Variants in FCGR2A observed in about 807,000 individuals in gnomAD.
The protein encoded by FCGR2A is Fc gamma receptor IIa.
A neutral mutation model predicts 29.3 loss-of-function variants in FCGR2A; 18 were observed. The observed-to-expected ratio is 0.62, with a 90% confidence interval of 0.43 to 0.91. The LOEUF (loss-of-function observed/expected upper bound fraction) is 0.91, where lower values mean the gene tolerates loss of function less well. Among genes scored for constraint, FCGR2A ranks in the 40% least tolerant of loss-of-function variants. The pLI is 0.00. For missense variants in FCGR2A, 287 were observed against 393.0 expected, an observed-to-expected ratio of 0.73 and a Z score of 2.28; for synonymous variants, 126 against 144.8, an observed-to-expected ratio of 0.87 and a Z score of 0.93.
chr1:161,518,147 A>G lies in FCGR2A; in HGVS notation c.953A>G (p.Ter318=). 1 of 1,613,534 alleles carries G rather than the reference A, an allele frequency of 6.2e-7. No individual in the cohort carries two copies. The highest frequency in any genetic ancestry group is 8.5e-7 in the Non-Finnish European group (1 of 1,179,746). Residue 318 remains the stop codon, a stop_retained_variant, in exon 7 of 7, where the codon TAA becomes TGA. Transcript: ENST00000271450. ...AACGACCATGTCAACAGTAATAACT[A>G]AAGAGTAACGTTATGCCATGTGGTC... ...PPNDHVNSNN[*]
intron 3 of FCGR2A, among the ~76,000 whole-genome samples, chr1:161,508,176 T>C (rs542893154): frequency 2.0e-5 from 3 of 149,752 alleles, no homozygotes; most frequent in Admixed American, 6.6e-5. Context: ...TACAAAGAAA[T>C]GCAACTGATT....
chr1:161,509,780 T>G, intron 3 of FCGR2A, 40 bp from the exon 4 acceptor site: 1 of 1,612,352 alleles, frequency 6.2e-7, no homozygotes, highest in Non-Finnish European at 8.5e-7. Context: ...CCTTGGAATC[T>G]ATCCTTACAA....
At chr1:161,514,648 CTGAGTT>C (rs1418239745) in intron 6 of FCGR2A, 1 of 152,540 alleles carries the variant, frequency 6.6e-6, no homozygotes, top group Non-Finnish European at 1.5e-5. Context: ...CCTGAGCTCT[CTGAGTT>C]TATTTGAGTA....
intron 4 of FCGR2A, 60 bp from the exon 5 acceptor site, chr1:161,510,774 T>C (rs1557832274): frequency 6.2e-7 from 1 of 1,602,466 alleles, no homozygotes; most frequent in Non-Finnish European, 8.5e-7. Context: ...ACAGGGAGAA[T>C]ACAAACGTTG....
At chr1:161,510,704 A>G in intron 4 of FCGR2A, 130 bp from the exon 5 acceptor site, 1 of 1,228,620 alleles carries the variant, frequency 8.1e-7, no homozygotes, top group Non-Finnish European at 1.1e-6. Flanking sequence ...TGAGTGACTC[A>G]GACACAGAAG....
At chr1:161,509,704 C>T in intron 3 of FCGR2A, 116 bp from the exon 4 acceptor site, 1 of 1,358,714 alleles carries the variant, frequency 7.4e-7, no homozygotes, top group Non-Finnish European at 1.0e-6. Flanking sequence ...CATGAAGCAT[C>T]TTCATTTCTG....
At position 161,507,402 on chromosome 1, in the gene FCGR2A, C is replaced by T. The variant is rs919856017; in HGVS notation, c.364+811C>T. On this transcript the variant is annotated intron_variant, in intron 3 of 6. Transcript: ENST00000271450. ...GCTCTCAAAGTATTGGGATTATAGG[C>T]GTGAGCCACCACGCCTGGCTTAGAT... 3.9e-5 allele frequency among the ~76,000 whole-genome samples: 6 copies of T among 152,266 alleles called. 1 individual carries two copies. In the Middle Eastern group the frequency reaches 0.014, roughly 345 times the overall value.
intron 6 of FCGR2A, among the ~76,000 whole-genome samples, chr1:161,517,743 T>G (rs1457023431): frequency 6.6e-6 from 1 of 152,112 alleles, no homozygotes; most frequent in Non-Finnish European, 1.5e-5. Context: ...AGGAGCTTAG[T>G]GCAAAACAAT....
chr1:161,513,237 G>A (rs1675927175), intron 5 of FCGR2A: 2 of 150,592 alleles, frequency 1.3e-5, no homozygotes, highest in Non-Finnish European at 2.9e-5. Context: ...AAAAACATGA[G>A]GCAATTAGGT....
chr1:161,506,232 CA>C, intron 2 of FCGR2A, 101 bp from the exon 3 acceptor site: 1 of 1,475,204 alleles, frequency 6.8e-7, no homozygotes, highest in East Asian at 2.3e-5. Context: ...ACTACATCTA[CA>C]ATAGGACTCT....
rs1205397367 is a variant in FCGR2A, at chr1:161,518,105, A to G, written c.911A>G (p.Tyr304Cys). ...RAPTDDDKNI[Y>C]LTLPPNDHVN... ...CCTACTGACGATGATAAAAACATCT[A>G]CCTGACTCTTCCTCCCAACGACCAT... is the stretch of plus-strand genomic sequence containing the variant. Residue 304 changes from tyrosine (Y) to cysteine (C), a missense_variant, in exon 7 of 7, where the codon TAC becomes TGC. Physicochemically the swap from Tyr to Cys is radical, Grantham distance 194. This residue lies in a region of FCGR2A where 34 missense variants were observed against 73.5 expected (regional missense o/e 0.46). Coordinates refer to ENST00000271450, the MANE Select transcript of FCGR2A (RefSeq NM_001136219.3). 1 of 1,613,840 alleles carries G rather than the reference A, an allele frequency of 6.2e-7. No individual in the cohort carries two copies.
chr1:161,510,526 C>T (rs1675702131), intron 4 of FCGR2A, among the ~76,000 whole-genome samples: 1 of 152,216 alleles, frequency 6.6e-6, no homozygotes, highest in African/African-American at 2.4e-5. Context: ...TTGGGCCCAC[C>T]CTCCGTACTG....
In FCGR2A at chr1:161,505,525, C is replaced by T. The variant is rs763426893; in HGVS notation, c.58C>T (p.Gln20Ter). 1.9e-6 allele frequency: 3 copies of T among 1,614,072 alleles called. No individual in the cohort carries two copies. Among genetic ancestry groups the T allele is most frequent in the East Asian group, 4.5e-5 (2 of 44,894 alleles). The change falls in exon 1 of 7, where the codon CAA becomes TAA. Residue 20 changes from glutamine (Q) to a stop codon, truncating the protein, a stop_gained. Coordinates refer to ENST00000271450, the MANE Select transcript of FCGR2A (RefSeq NM_001136219.3). LOFTEE classifies it high-confidence loss of function. ...ATGTCCCAGAAACCTGTGGCTGCTT[C>T]AACCATTGACAGTTTTGCTGCTGCT... ...NVCPRNLWLL[Q>*]PLTVLLLLAS...
chr1:161,521,291 G>C (rs1676438786), downstream of FCGR2A, among the ~76,000 whole-genome samples: 1 of 152,052 alleles, frequency 6.6e-6, no homozygotes, highest in East Asian at 1.9e-4. Context: ...CATACTCAGA[G>C]CCCAGGTCAG....
At chr1:161,510,096 G>A (rs745440888) in intron 4 of FCGR2A, 22 bp downstream of exon 4, 2 of 1,612,130 alleles carry the variant, frequency 1.2e-6, no homozygotes, top group South Asian at 2.2e-5. Flanking sequence ...CTGCCAAGAT[G>A]TAGGGAGGGG....
At chr1:161,520,431 G>A (rs555535348), downstream of FCGR2A, among the ~76,000 whole-genome samples, 4,771 of 151,700 alleles carry the variant, frequency 0.031, 245 homozygotes, top group African/African-American at 0.11. Flanking sequence ...GGAAACCGTC[G>A]CCATGACCCA....
downstream of FCGR2A, chr1:161,523,168 A>G (rs1261161145): frequency 6.6e-6 from 1 of 152,154 alleles, no homozygotes; most frequent in Non-Finnish European, 1.5e-5. Context: ...AGTGGTGAGT[A>G]TCTCTGCCTG....
intron 6 of FCGR2A, among the ~76,000 whole-genome samples, chr1:161,515,333 A>G (rs1169925118): frequency 6.6e-6 from 1 of 152,232 alleles, no homozygotes; most frequent in African/African-American, 2.4e-5. Context: ...TAGATCCTCA[A>G]ATGAGCCAGG....
At chr1:161,513,115 G>C (rs1489845127) in intron 5 of FCGR2A, 14 of 151,734 alleles carry the variant, frequency 9.2e-5, no homozygotes, top group African/African-American at 2.9e-4. Flanking sequence ...CTGTGTTCAG[G>C]GGGTGAGAGA....
Sources: allele counts gnomAD v4.1 joint callset (sites outside exome capture counted in the v4.1 genomes callset), GRCh38; gene constraint gnomAD v4.1.1; regional missense constraint gnomAD v4.1.1; transcripts MANE v1.5; gene names NCBI Gene and HGNC (gene_info 2026-07-23, HGNC 2026-07-21).